The following MYBBP1A variants were observed in gnomAD, a reference collection of about 807,000 sequenced individuals.
MYBBP1A encodes MYB binding protein 1a.
Under a neutral mutation model 136.3 loss-of-function variants are expected in MYBBP1A, and 147 were observed. The observed-to-expected ratio is 1.08, with a 90% CI of 0.94 to 1.24. MYBBP1A has a LOEUF of 1.24. Ranked by LOEUF, MYBBP1A falls within the 50% of genes most tolerant of loss-of-function variation. The probability of loss-of-function intolerance (pLI) is 0.00; values close to 1 mark genes in which losing one functional copy is unlikely to be tolerated. For missense variants in MYBBP1A, 2,060 were observed against 1,727.4 expected (o/e 1.19, Z -3.41); for synonymous variants, 947 against 735.8 (o/e 1.29, Z -4.65).
chr17:4,554,075 GAGC>G lies in MYBBP1A; in HGVS notation c.394_396del (p.Ala132del), dbSNP rs1165012062. ...AGCACTCCAAACAGGTTTGCAAAGA[GAGC>G]AGGTCTCAGCATTGCCTAGAAAAGG... is the stretch of plus-strand genomic sequence containing the variant. On this transcript the variant is annotated inframe_deletion, in exon 4 of 26. Transcript: ENST00000254718. 6 of 1,614,048 alleles carry G rather than the reference GAGC, an allele frequency of 3.7e-6. No homozygotes were observed. Among genetic ancestry groups the G allele is most frequent in the Non-Finnish European group, 4.2e-6 (5 of 1,180,038 alleles).
In MYBBP1A at chr17:4,541,437, G is replaced by T; in HGVS notation, c.3297+26C>A. 1.9e-6 allele frequency: 3 copies of T among 1,601,550 alleles called. No homozygotes were observed. The South Asian group carries it at 3.3e-5, about 18-fold the overall frequency. On this transcript the variant is annotated intron_variant, in intron 24 of 25. Coordinates refer to ENST00000254718, the MANE Select transcript of MYBBP1A (RefSeq NM_014520.4). Reference sequence around the variant, plus strand: ...AGGCCCCCAAGAGGAACCCGAACACGACCGCGGACTGGGCCCCCGCCTCAC... The same window carrying T: ...AGGCCCCCAAGAGGAACCCGAACACTACCGCGGACTGGGCCCCCGCCTCAC...
chr17:4,554,133 A>G (rs75613207), intron 3 of MYBBP1A, 40 bp from the exon 4 acceptor site: 25,182 of 1,613,408 alleles, frequency 0.016, 307 homozygotes, highest in African/African-American at 0.047. Flanking sequence ...GGGGCCCTGG[A>G]ACTCCCCATT....
chr17:4,548,228 G>A lies in MYBBP1A; in HGVS notation c.1639C>T (p.Gln547Ter), dbSNP rs753888261. 3.1e-6 allele frequency: 5 copies of A among 1,610,952 alleles called. No individual in the cohort carries two copies. The South Asian group carries it at 3.3e-5, about 11-fold the overall frequency. Residue 547 changes from glutamine (Q) to a stop codon, truncating the protein, a stop_gained, in exon 12 of 26, where the codon CAG becomes TAG. Coordinates refer to ENST00000254718, the MANE Select transcript of MYBBP1A (RefSeq NM_014520.4). LOFTEE classifies it high-confidence loss of function. This position sits in a 1 kb window ranked among gnomAD's most constrained non-coding sequence, Gnocchi z 4.2. ...TGATTCAACAGGAGGTCTGCGAACTGCACCAGGTGGTAGGTCCAGGGCTGC... is the reference window on the plus strand; with the variant it reads ...TGATTCAACAGGAGGTCTGCGAACTACACCAGGTGGTAGGTCCAGGGCTGC... Reference protein sequence around the residue: ...GGQPWTYHLVQFADLLLNHSH... With the variant: ...GGQPWTYHLV
Position 4,541,649 on chromosome 17 carries a change from A to G in MYBBP1A, c.3196-85T>C, listed in dbSNP as rs563737471. The stretch of plus-strand genomic sequence containing the variant: ...CCAGCCGGAAGTAAAGCCCAGAGGC[A>G]GGGACCGTCTCCTGGGACAACCCCA... On this transcript the variant is annotated intron_variant, in intron 23 of 25. Coordinates refer to ENST00000254718, the MANE Select transcript of MYBBP1A (RefSeq NM_014520.4). 4.2e-5 allele frequency: 63 copies of G among 1,486,496 alleles called. 1 individual carries two copies. In the South Asian group the frequency reaches 6.1e-4, roughly 14 times the overall value. 92.1% of individuals were successfully genotyped at this position (1,486,496 alleles called of 1,614,324 possible). A position where few individuals can be genotyped will look rare whatever the true frequency, so the allele number is the denominator to read the frequency against.
intron 22 of MYBBP1A, 35 bp downstream of exon 22, chr17:4,542,429 A>G (rs1359136991): frequency 6.3e-7 from 1 of 1,578,898 alleles, no homozygotes; most frequent in African/African-American, 1.3e-5. Flanking sequence ...GTTAATTCAG[A>G]CAGGCCCTGG....
At chr17:4,546,188 G>A (rs377082774) in intron 13 of MYBBP1A, among the ~76,000 whole-genome samples, 162 of 152,202 alleles carry the variant, frequency 1.1e-3, no homozygotes, top group Non-Finnish European at 1.8e-3. Context: ...GTCTGATCTC[G>A]GCTCACCACA....
Position 4,545,067 on chromosome 17 carries a change from G to A in MYBBP1A, c.2269C>T (p.Arg757Trp), listed in dbSNP as rs376746078. 168 of 1,546,004 alleles carry A rather than the reference G, an allele frequency of 1.1e-4. No individual in the cohort carries two copies. Among genetic ancestry groups the A allele is most frequent in the Non-Finnish European group, 1.3e-4 (144 of 1,150,358 alleles). Reference sequence around the variant, plus strand: ...TGCAGCACGGTCATCAGCTGTTCCCGGAAGCCCTGATCCACGTCCCCGTCG... The same window carrying A: ...TGCAGCACGGTCATCAGCTGTTCCCAGAAGCCCTGATCCACGTCCCCGTCG... ...ERDGDVDQGF[R>W]EQLMTVLQAG... Residue 757 changes from arginine (R) to tryptophan (W), a missense_variant, in exon 17 of 26, where the codon CGG (arginine) becomes TGG (tryptophan). Coordinates refer to ENST00000254718, the MANE Select transcript of MYBBP1A (RefSeq NM_014520.4).
Position 4,550,185 on chromosome 17 carries a change from G to C in MYBBP1A, c.1192C>G (p.Leu398Val), listed in dbSNP as rs183763821. The change falls in exon 9 of 26, where the codon CTG becomes GTG. Residue 398 changes from leucine to valine, a missense_variant. Coordinates refer to ENST00000254718, the MANE Select transcript of MYBBP1A (RefSeq NM_014520.4). The part of the protein sequence containing the change: ...TPTFWRVVRF[L>V]SPPALQGYVA... Reference sequence around the variant, plus strand: ...TAGCCCTGCAGGGCCGGAGGGCTCAGGAACCGCACGACCCGCCAGAAAGTA... The same window carrying C: ...TAGCCCTGCAGGGCCGGAGGGCTCACGAACCGCACGACCCGCCAGAAAGTA... 26 of 1,613,802 alleles carry C rather than the reference G, an allele frequency of 1.6e-5. No homozygotes were observed. Among genetic ancestry groups the C allele is most frequent in the Non-Finnish European group, 2.2e-5 (26 of 1,180,050 alleles).
intron 13 of MYBBP1A, chr17:4,547,638 T>C (rs1013230658): frequency 6.8e-6 from 2 of 293,708 alleles, no homozygotes; most frequent in African/African-American, 4.3e-5. Flanking sequence ...CCAGAAGGTG[T>C]TCCCACAGCA....
In MYBBP1A at chr17:4,548,480, G is replaced by T; in HGVS notation, c.1556+44C>A. ...ACCTGGAGGGAGCAGGCGCCCTCAA[G>T]GCCTTCCCACCTTCGGACCTCTCCT... On this transcript the variant is annotated intron_variant, in intron 11 of 25. Transcript: ENST00000254718. This position sits in a 1 kb window ranked among gnomAD's most constrained non-coding sequence, Gnocchi z 4.2. The T allele has an allele frequency of 1.9e-6, 3 of 1,613,102 alleles. No homozygotes were observed.
In MYBBP1A at chr17:4,555,339, CCGAAACA is replaced by C. The variant is rs774571276; in HGVS notation, c.-22_-16del. 2.0e-4 allele frequency: 316 copies of C among 1,587,238 alleles called. 2 individuals carry two copies. In the South Asian group the frequency reaches 3.4e-3, roughly 17 times the overall value. On this transcript the variant is annotated 5_prime_UTR_variant, in exon 1 of 26. Coordinates refer to ENST00000254718, the MANE Select transcript of MYBBP1A (RefSeq NM_014520.4). ...CGGCTCTCCATCTCCGCCACACTCA[CCGAAACA>C]CGAAACACGTGTGCTCCGGCCCCAG... is the stretch of plus-strand genomic sequence containing the variant.
Position 4,544,766 on chromosome 17 carries a change from G to C in MYBBP1A, c.2466C>G (p.Arg822=), listed in dbSNP as rs368578952. ...CCAGGCTCACCCGGATCTGGAAGTC[G>C]CGCCGCAGAGCCTTCTCCTTCTGCA... ...NKLQKEKALR[R]DFQIRVLDLV... The change falls in exon 18 of 26, where the codon CGC becomes CGG. Residue 822 remains arginine (R), a synonymous_variant. Transcript: ENST00000254718. The C allele has an allele frequency of 3.8e-6, 6 of 1,572,138 alleles. No individual in the cohort carries two copies. Among genetic ancestry groups the C allele is most frequent in the Non-Finnish European group, 5.2e-6 (6 of 1,157,418 alleles).
Position 4,539,288 on chromosome 17 carries a change from G to A in MYBBP1A, c.*127C>T, listed in dbSNP as rs1597374682. The A allele has an allele frequency of 2.0e-6, 3 of 1,492,796 alleles. No homozygotes were observed. In the South Asian group the frequency reaches 4.2e-5, roughly 21 times the overall value. 92.5% of individuals were successfully genotyped at this position (1,492,796 alleles called of 1,614,324 possible). A position where few individuals can be genotyped will look rare whatever the true frequency, so the allele number is the denominator to read the frequency against. ...CAGGATGCCCGGGCAGGCGGCAACA[G>A]CCACCCTCCCCAGTGGCAGCGCCTT... On this transcript the variant is annotated 3_prime_UTR_variant, in exon 26 of 26. Coordinates refer to ENST00000254718, the MANE Select transcript of MYBBP1A (RefSeq NM_014520.4).
chr17:4,542,616 C>T lies in MYBBP1A; in HGVS notation c.3018G>A (p.Pro1006=), dbSNP rs143053719. The stretch of plus-strand genomic sequence containing the variant: ...AAGCAGGGCAGGCCCCAACACTCAC[C>T]GGGTGCCGGGAGAAGAGGCTGAGGA... ...PMFLSLFSRH[P]VLCQSLLPIL... is the part of the protein sequence containing the mutation. Residue 1006 remains proline, a splice_region_variant and synonymous_variant, in exon 21 of 26, where the codon CCG becomes CCA. Transcript: ENST00000254718. 1.0e-4 allele frequency: 164 copies of T among 1,613,806 alleles called. 1 individual carries two copies. The African/African-American group carries it at 1.2e-3, about 12-fold the overall frequency.
Position 4,542,510 on chromosome 17 carries a change from G to A in MYBBP1A, c.3041C>T (p.Pro1014Leu). 1 of 1,612,476 alleles carries A rather than the reference G, an allele frequency of 6.2e-7. No homozygotes were observed. The highest frequency in any genetic ancestry group is 8.5e-7 in the Non-Finnish European group (1 of 1,178,922). Residue 1014 changes from proline (P) to leucine (L), a missense_variant, in exon 22 of 26, where the codon CCC (proline) becomes CTC (leucine). Coordinates refer to ENST00000254718, the MANE Select transcript of MYBBP1A (RefSeq NM_014520.4). ...GCCCGTGATATGCTGGACCAGGATG[G>A]GGAGCAGGCTCTGACAGAGCACCTG... ...RHPVLCQSLL[P>L]ILVQHITGPV...
At chr17:4,547,148 A>G (rs1358332378) in intron 13 of MYBBP1A, among the ~76,000 whole-genome samples, 1 of 151,840 alleles carries the variant, frequency 6.6e-6, no homozygotes, top group African/African-American at 2.4e-5. Flanking sequence ...TGACCTCGTG[A>G]TCACCTGCCT....
chr17:4,539,521 G>A lies in MYBBP1A; in HGVS notation c.3881C>T (p.Ala1294Val), dbSNP rs146547721. The A allele has an allele frequency of 1.3e-4, 211 of 1,614,092 alleles. No individual in the cohort carries two copies. The African/African-American group carries it at 1.7e-3, about 13-fold the overall frequency. ...CAGCCTTGCCTTTTTCCGTGCCAGC[G>A]CGGACAGTGGTGATTTGCCCAAGAC... ...KGVLGKSPLS[A>V]LARKKARLSL... The change falls in exon 26 of 26, where the codon GCG becomes GTG. Residue 1294 changes from alanine to valine, a missense_variant. Transcript: ENST00000254718.
chr17:4,552,547 T>C lies in MYBBP1A; in HGVS notation c.641A>G (p.Gln214Arg). The C allele has an allele frequency of 1.2e-6, 2 of 1,614,082 alleles. No homozygotes were observed. The change falls in exon 6 of 26, where the codon CAG becomes CGG. Residue 214 changes from glutamine (Q) to arginine (R), a missense_variant. Physicochemically the swap from Gln to Arg is conservative, Grantham distance 43. Transcript: ENST00000254718. The surrounding 1 kb of genome is among the most constrained non-coding windows in gnomAD (Gnocchi z 4.7). ...DLNIILSSPE[Q>R]LELFLLAQQK... is the part of the protein sequence containing the mutation. Reference sequence around the variant, plus strand: ...CTGGGCCAGGAGGAAGAGCTCTAGCTGTTCAGGGGAGCTGAGTATTATATT... The same window carrying C: ...CTGGGCCAGGAGGAAGAGCTCTAGCCGTTCAGGGGAGCTGAGTATTATATT...
At position 4,552,173 on chromosome 17, in the gene MYBBP1A, T is replaced by C. The variant is rs1311160207; in HGVS notation, c.857A>G (p.Lys286Arg). ...LKEDKFPRFWKEVVEQGLLKM... is the reference protein window; with the variant it reads ...LKEDKFPRFWREVVEQGLLKM... ...CAGCAGCCCTTGTTCCACCACCTCC[T>C]TCCAGAACCGTGGGAACTTGTCTTC... Residue 286 changes from lysine to arginine, a missense_variant, in exon 7 of 26, where the codon AAG (lysine) becomes AGG (arginine). Transcript: ENST00000254718. The surrounding 1 kb of genome is among the most constrained non-coding windows in gnomAD (Gnocchi z 4.7). 6.2e-7 allele frequency: 1 copy of C among 1,614,230 alleles called. No individual in the cohort carries two copies. Among genetic ancestry groups the C allele is most frequent in the South Asian group, 1.1e-5 (1 of 91,088 alleles).
Sources: gnomAD v4.1 joint callset for allele counts (sites outside exome capture counted in the v4.1 genomes callset) on GRCh38, gnomAD v4.1.1 for gene constraint, Gnocchi (gnomAD v3.1) non-coding constraint, MANE v1.5 for transcripts, NCBI Gene and HGNC (gene_info 2026-07-23, HGNC 2026-07-21) for gene names.